CLGN: variants seen among roughly 807,000 people sequenced by gnomAD.
CLGN encodes the protein testis tissue sperm-binding protein Li 79P.
A neutral mutation model predicts 79.1 loss-of-function variants in CLGN; 62 were observed. That is an observed-to-expected ratio of 0.78 (90% confidence interval 0.64 to 0.97). The LOEUF is 0.97. Among genes scored for constraint, CLGN ranks in the 50% least tolerant of loss-of-function variants. The probability of loss-of-function intolerance (pLI) is 0.00; values close to 1 mark genes in which losing one functional copy is unlikely to be tolerated. For synonymous variants in CLGN, 225 were observed against 224.7 expected, an observed-to-expected ratio of 1.00 and a Z score of -0.01; for missense variants, 647 against 715.5, an observed-to-expected ratio of 0.90 and a Z score of 1.09.
At chr4:140,401,586 G>A (rs1728999386) in intron 6 of CLGN, among the ~76,000 whole-genome samples, 1 of 152,114 alleles carries the variant, frequency 6.6e-6, no homozygotes, top group South Asian at 2.1e-4. Context: ...GTTACTTTCT[G>A]TGGGTTGCTA....
Position 140,420,546 on chromosome 4 carries a change from C to CT in CLGN, c.-10+6990dup, listed in dbSNP as rs910376022. On this transcript the variant is annotated intron_variant, in intron 1 of 14. Transcript: ENST00000325617. ...TGCAGTTCTATTGTTTTTATTTGTT[C>CT]TTTTTTTTAAAAAAAAAAATCAGAA... Among the ~76,000 whole-genome samples the CT allele has an allele frequency of 1.1e-3, 104 of 90,670 alleles. No individual in the cohort carries two copies. The South Asian group carries it at 0.016, about 14-fold the overall frequency. The allele number at this position is 90,670 out of a possible 152,430, so 59.5% of individuals were successfully genotyped here.
In CLGN at chr4:140,402,048, T is replaced by C; in HGVS notation, c.438A>G (p.Gln146=). The change falls in exon 6 of 15, where the codon CAA becomes CAG. Residue 146 remains glutamine (Q), a synonymous_variant. Coordinates refer to ENST00000325617, the MANE Select transcript of CLGN (RefSeq NM_004362.3). Reference sequence around the variant, plus strand: ...ATGCACCTCCACAATCAATACCATCTTGAAAATTTACTTCATATCTGAATA... The same window carrying C: ...ATGCACCTCCACAATCAATACCATCCTGAAAATTTACTTCATATCTGAATA... ...PLIVQYEVNF[Q]DGIDCGGAYI... 6.3e-7 allele frequency: 1 copy of C among 1,574,822 alleles called. No individual in the cohort carries two copies. Among genetic ancestry groups the C allele is most frequent in the Non-Finnish European group, 8.7e-7 (1 of 1,155,950 alleles).
chr4:140,409,104 A>G (rs1444518639), intron 4 of CLGN, among the ~76,000 whole-genome samples: 1 of 151,958 alleles, frequency 6.6e-6, no homozygotes, highest in Non-Finnish European at 1.5e-5. Flanking sequence ...TGCTGTTGTG[A>G]TGTAACTGCT....
intron 5 of CLGN, among the ~76,000 whole-genome samples, chr4:140,405,180 TTTTTTTTTTTA>T (rs1420011906): frequency 4.4e-4 from 53 of 119,490 alleles, no homozygotes; most frequent in Non-Finnish European, 4.9e-4. Context: ...TTTATTTTTA[TTTTTTTTTTTA>T]TTTTTTTTTT....
chr4:140,416,696 T>A (rs2126631750), intron 1 of CLGN, among the ~76,000 whole-genome samples: 1 of 151,936 alleles, frequency 6.6e-6, no homozygotes, highest in South Asian at 2.1e-4. Context: ...TCTGAAATTG[T>A]GGCAATAATC....
intron 1 of CLGN, among the ~76,000 whole-genome samples, chr4:140,420,179 A>T (rs181929048): frequency 5.9e-5 from 9 of 152,254 alleles, no homozygotes; most frequent in Non-Finnish European, 1.3e-4. Context: ...CTGGGCTGCC[A>T]AGAAAGAGTT....
chr4:140,412,910 A>G, intron 2 of CLGN, 25 bp downstream of exon 2: 1 of 1,598,764 alleles, frequency 6.3e-7, no homozygotes, highest in Non-Finnish European at 8.6e-7. Flanking sequence ...GGAATAATTT[A>G]TAACCCATTT....
At chr4:140,416,373 G>A (rs1382239234) in intron 1 of CLGN, among the ~76,000 whole-genome samples, 1 of 134,020 alleles carries the variant, frequency 7.5e-6, no homozygotes, top group Non-Finnish European at 1.6e-5. Context: ...GAAGGAAATA[G>A]AGACACAAAA....
At chr4:140,422,590 GT>G (rs1479580446) in intron 1 of CLGN, among the ~76,000 whole-genome samples, 9 of 152,044 alleles carry the variant, frequency 5.9e-5, no homozygotes, top group Admixed American at 2.6e-4. Flanking sequence ...TTGTGTGCTA[GT>G]TTTTTTACCC....
chr4:140,418,922 T>C (rs530551450), intron 1 of CLGN, among the ~76,000 whole-genome samples: 3 of 152,326 alleles, frequency 2.0e-5, no homozygotes, highest in African/African-American at 7.2e-5. Context: ...ATTGCGGCAT[T>C]ATTCACAATA....
At chr4:140,399,319 G>A (rs778384093) in intron 7 of CLGN, among the ~76,000 whole-genome samples, 46 of 152,144 alleles carry the variant, frequency 3.0e-4, no homozygotes, top group East Asian at 1.9e-3. Flanking sequence ...GACTCATAAC[G>A]AGTCAGCTTC....
chr4:140,405,177 TTA>T (rs1252791257), intron 5 of CLGN, among the ~76,000 whole-genome samples: 126 of 132,380 alleles, frequency 9.5e-4, no homozygotes, highest in South Asian at 7.1e-3. Context: ...TTTTTTATTT[TTA>T]TTTTTTTTTT....
chr4:140,408,106 T>C (rs918203991), intron 4 of CLGN, among the ~76,000 whole-genome samples: 1 of 152,120 alleles, frequency 6.6e-6, no homozygotes, highest in Non-Finnish European at 1.5e-5. Context: ...TAAATGGTAC[T>C]GAGAAAACTG....
At chr4:140,405,179 ATTTTTTTTTTTATTTTTT>A (rs1309661677) in intron 5 of CLGN, among the ~76,000 whole-genome samples, 1 of 111,314 alleles carries the variant, frequency 9.0e-6, no homozygotes, top group Non-Finnish European at 1.9e-5. Flanking sequence ...TTTTATTTTT[ATTTTTTTTTTTATTTTTT>A]TTTTTGAGAC....
rs566332573 is a variant in CLGN, at chr4:140,404,130, GT to G, written c.419+1811del. Among the ~76,000 whole-genome samples the G allele has an allele frequency of 6.6e-5, 10 of 151,502 alleles. 1 individual carries two copies. The South Asian group carries it at 2.1e-3, about 32-fold the overall frequency. ...TGAGACAGTCTCACTCTGTTGCCCA[GT>G]TGCCCAGGCTGGAGTGCAGTGGCAT... On this transcript the variant is annotated intron_variant, in intron 5 of 14. Coordinates refer to ENST00000325617, the MANE Select transcript of CLGN (RefSeq NM_004362.3).
chr4:140,392,394 T>C lies in CLGN; in HGVS notation c.1492-16A>G. ...TATGTTTTTTCTGTGGTAGTTAACATAAGTTATTTTTACTAAAGGCAGAGT... is the reference window on the plus strand; with the variant it reads ...TATGTTTTTTCTGTGGTAGTTAACACAAGTTATTTTTACTAAAGGCAGAGT... On this transcript the variant is annotated splice_polypyrimidine_tract_variant and intron_variant, in intron 12 of 14. Transcript: ENST00000325617. 1 of 1,576,698 alleles carries C rather than the reference T, an allele frequency of 6.3e-7. No homozygotes were observed. The highest frequency in any genetic ancestry group is 8.6e-7 in the Non-Finnish European group (1 of 1,166,978).
At chr4:140,426,991 C>T (rs1325597690) in intron 1 of CLGN, among the ~76,000 whole-genome samples, 1 of 152,220 alleles carries the variant, frequency 6.6e-6, no homozygotes, top group African/African-American at 2.4e-5. Context: ...TTCGCTTCCA[C>T]ATAGGTGGAG....
At position 140,400,486 on chromosome 4, in the gene CLGN, A is replaced by G. The variant is rs1728979534; in HGVS notation, c.565T>C (p.Tyr189His). 2.5e-6 allele frequency: 4 copies of G among 1,605,432 alleles called. No homozygotes were observed. Among genetic ancestry groups the G allele is most frequent in the Middle Eastern group, 1.7e-4 (1 of 6,030 alleles). ...MFGPDKCGEDYKLHFIFRHKH... is the reference protein window; with the variant it reads ...MFGPDKCGEDHKLHFIFRHKH... ...TGTCTGAAGATAAAATGAAGTTTAT[A>G]ATCTTCTCCACATTTATCTGGTCCA... is the stretch of plus-strand genomic sequence containing the variant. The change falls in exon 7 of 15, where the codon TAT becomes CAT. Residue 189 changes from tyrosine to histidine, a missense_variant. By Grantham distance (83) the Tyr-to-His change is moderately conservative (BLOSUM62 2). Transcript: ENST00000325617.
In CLGN at chr4:140,396,926, C is replaced by T. The variant is rs866391710; in HGVS notation, c.885-721G>A. Among the ~76,000 whole-genome samples the T allele has an allele frequency of 3.7e-3, 453 of 121,822 alleles. 7 individuals are homozygous for T. Among genetic ancestry groups the T allele is most frequent in the African/African-American group, 6.3e-3 (185 of 29,504 alleles). The allele number at this position is 121,822 out of a possible 152,430, so 79.9% of individuals were successfully genotyped here. Reference sequence around the variant, plus strand: ...ATATATGTATATATATATATATACACATATATATATATACACATAGCTTCA... The same window carrying T: ...ATATATGTATATATATATATATACATATATATATATATACACATAGCTTCA... On this transcript the variant is annotated intron_variant, in intron 8 of 14. Transcript: ENST00000325617.
Sources: allele counts gnomAD v4.1 joint callset (sites outside exome capture counted in the v4.1 genomes callset), GRCh38; gene constraint gnomAD v4.1.1; transcripts MANE v1.5; gene names NCBI Gene and HGNC (gene_info 2026-07-23, HGNC 2026-07-21).